The following SPTBN4 variants were observed in gnomAD, a reference collection of about 807,000 sequenced individuals.
The protein encoded by SPTBN4 is spectrin beta, non-erythrocytic 4, also known as spectrin beta chain, non-erythrocytic 4.
In SPTBN4, 96 loss-of-function variants were observed where a neutral mutation model predicts 277.8. The ratio of observed to expected loss-of-function variants is 0.35; its 90% confidence interval spans 0.29 to 0.41. The LOEUF (loss-of-function observed/expected upper bound fraction) is 0.41, where lower values mean the gene tolerates loss of function less well. SPTBN4 is among the 10% of genes least tolerant of loss of function. The pLI is 1.00. For missense variants in SPTBN4, 3,006 were observed against 3,595.7 expected (o/e 0.84, Z 4.19); for synonymous variants, 1,481 against 1,580.3 (o/e 0.94, Z 1.49).
rs545609443 is a variant in SPTBN4 at position 40,486,547 on chromosome 19, T to A, written c.170-1150T>A. Among the ~76,000 whole-genome samples, 70 of 151,996 alleles carry A rather than the reference T, an allele frequency of 4.6e-4. 2 individuals carry two copies. The South Asian group carries it at 0.014, about 30-fold the overall frequency. Reference sequence around the variant, plus strand: ...ACCCTGCCTGGCTAATTTTTTGTATTTTTTTGTAGAGACAGAGTCTTCACC... The same window carrying A: ...ACCCTGCCTGGCTAATTTTTTGTATATTTTTGTAGAGACAGAGTCTTCACC... On this transcript the variant is annotated intron_variant, in intron 2 of 35. Transcript: ENST00000598249.
In SPTBN4 at chr19:40,575,975, T is replaced by C; in HGVS notation, c.*406T>C. ...CTAGGGATGGGCACGGGGGCGCTGGTGAGGTCCCCTGGACCATCCAGGGTG... is the reference window on the plus strand; with the variant it reads ...CTAGGGATGGGCACGGGGGCGCTGGCGAGGTCCCCTGGACCATCCAGGGTG... On this transcript the variant is annotated 3_prime_UTR_variant, in exon 36 of 36. Coordinates refer to ENST00000598249, the MANE Select transcript of SPTBN4 (RefSeq NM_020971.3). 5.9e-6 allele frequency: 1 copy of C among 168,656 alleles called. No individual in the cohort carries two copies. The highest frequency in any genetic ancestry group is 1.3e-5 in the Non-Finnish European group (1 of 78,186). 10.4% of individuals were successfully genotyped at this position (168,656 alleles called of 1,614,324 possible).
intron 2 of SPTBN4, among the ~76,000 whole-genome samples, chr19:40,474,169 A>G (rs1448503467): frequency 6.7e-6 from 1 of 150,036 alleles, no homozygotes; most frequent in Non-Finnish European, 1.5e-5. Flanking sequence ...AAAAAAAAAA[A>G]AAAAAAAAAA....
Position 40,512,631 on chromosome 19 carries a change from C to A in SPTBN4, c.1842C>A (p.Val614=). 1 of 1,541,328 alleles carries A rather than the reference C, an allele frequency of 6.5e-7. No homozygotes were observed. Among genetic ancestry groups the A allele is most frequent in the Non-Finnish European group, 8.7e-7 (1 of 1,151,732 alleles). Residue 614 remains valine, a synonymous_variant, in exon 14 of 36, where the codon GTC becomes GTA. Coordinates refer to ENST00000598249, the MANE Select transcript of SPTBN4 (RefSeq NM_020971.3). ...GCTACCAGCCCTGCGACCCGCAGGT[C>A]ATCTGCAACCGCGTGAACCACGTGC... is the stretch of plus-strand genomic sequence containing the variant. ...LQGYQPCDPQ[V]ICNRVNHVHG...
Position 40,519,088 on chromosome 19 carries a change from C to G in SPTBN4, c.2904-313C>G, listed in dbSNP as rs1264221133. Reference sequence around the variant, plus strand: ...TCTTAAATCAGAGTCGGCTTCTGCTCTCAGTCTCTCCTGCCGCCTCTGGAA... The same window carrying G: ...TCTTAAATCAGAGTCGGCTTCTGCTGTCAGTCTCTCCTGCCGCCTCTGGAA... On this transcript the variant is annotated intron_variant, in intron 15 of 35. Coordinates refer to ENST00000598249, the MANE Select transcript of SPTBN4 (RefSeq NM_020971.3). The surrounding 1 kb of genome is among the most constrained non-coding windows in gnomAD (Gnocchi z 5.7). Among the ~76,000 whole-genome samples the G allele has an allele frequency of 6.6e-6, 1 of 152,200 alleles. No individual in the cohort carries two copies. Among genetic ancestry groups the G allele is most frequent in the African/African-American group, 2.4e-5 (1 of 41,440 alleles).
intron 26 of SPTBN4, among the ~76,000 whole-genome samples, chr19:40,559,862 C>T (rs562090484): frequency 6.6e-6 from 1 of 152,162 alleles, no homozygotes; most frequent in Admixed American, 6.5e-5. Flanking sequence ...TCCTGAAAGA[C>T]CCAAGGTAGG....
rs2145877551 is a variant in SPTBN4, at chr19:40,520,162, G to A, written c.3654+11G>A. The A allele has an allele frequency of 7.1e-7, 1 of 1,402,686 alleles. No individual in the cohort carries two copies. Among genetic ancestry groups the A allele is most frequent in the Admixed American group, 2.9e-5 (1 of 33,910 alleles). 86.9% of individuals were successfully genotyped at this position (1,402,686 alleles called of 1,614,324 possible). A position where few individuals can be genotyped will look rare whatever the true frequency, so the allele number is the denominator to read the frequency against. On this transcript the variant is annotated intron_variant, in intron 16 of 35. Transcript: ENST00000598249. ...GTGCTGCGTAACCAGGTGCCCACTC[G>A]GGGTGTACATTTCGGAGAGGGAGAG... is the stretch of plus-strand genomic sequence containing the variant.
Position 40,556,203 on chromosome 19 carries a change from A to G in SPTBN4, c.5204A>G (p.Gln1735Arg). 1 of 1,613,684 alleles carries G rather than the reference A, an allele frequency of 6.2e-7. No individual in the cohort carries two copies. The highest frequency in any genetic ancestry group is 8.5e-7 in the Non-Finnish European group (1 of 1,179,988). ...TACTGGCTGTACCAGCTCAGCCGCC[A>G]GGTGAGCGAGCTTGAGCACTGGATT... ...QQYWLYQLSR[Q>R]VSELEHWIAE... is the part of the protein sequence containing the mutation. The change falls in exon 25 of 36, where the codon CAG becomes CGG. Residue 1735 changes from glutamine to arginine, a missense_variant. Physicochemically the swap from Gln to Arg is conservative, Grantham distance 43. Transcript: ENST00000598249.
intron 2 of SPTBN4, among the ~76,000 whole-genome samples, chr19:40,481,315 C>T (rs1249386737): frequency 6.6e-6 from 1 of 152,124 alleles, no homozygotes; most frequent in African/African-American, 2.4e-5. Context: ...CTTGGCTGCC[C>T]AAAGTGTTTG....
At chr19:40,570,852 G>T in intron 33 of SPTBN4, 124 bp downstream of exon 33, 1 of 1,085,314 alleles carries the variant, frequency 9.2e-7, no homozygotes, top group South Asian at 1.9e-5. Flanking sequence ...GCGGTAGTAG[G>T]TGGGGCCAGA....
At position 40,554,519 on chromosome 19, in the gene SPTBN4, G is replaced by T; in HGVS notation, c.4957G>T (p.Glu1653Ter). ...LMMSEDKGKD[E>*]QSTLQLLKKH... ...CGTGGGCGCTTTGTGCCCCCAGGAC[G>T]AACAGAGCACCCTGCAGCTGCTCAA... The change falls in exon 24 of 36, where the codon GAA (glutamate) becomes TAA (stop). Residue 1653 changes from glutamate (E) to a stop codon, truncating the protein, a stop_gained. Transcript: ENST00000598249. LOFTEE classifies it high-confidence loss of function. The surrounding 1 kb of genome is among the most constrained non-coding windows in gnomAD (Gnocchi z 5.7). 1.3e-6 allele frequency: 2 copies of T among 1,481,856 alleles called. No homozygotes were observed. Among genetic ancestry groups the T allele is most frequent in the South Asian group, 1.4e-5 (1 of 72,700 alleles). 91.8% of individuals were successfully genotyped at this position (1,481,856 alleles called of 1,614,324 possible). A position where few individuals can be genotyped will look rare whatever the true frequency, so the allele number is the denominator to read the frequency against.
intron 17 of SPTBN4, 144 bp downstream of exon 17, chr19:40,523,783 A>G (rs2080557379): frequency 6.3e-6 from 5 of 795,186 alleles, no homozygotes; most frequent in Non-Finnish European, 9.5e-6. Context: ...ATTTAATTCC[A>G]TGTTGTCTTA....
chr19:40,522,348 ATTTTT>A (rs567161952), intron 16 of SPTBN4, among the ~76,000 whole-genome samples: 4 of 117,694 alleles, frequency 3.4e-5, no homozygotes, highest in African/African-American at 1.3e-4. Context: ...ATAGTAACCA[ATTTTT>A]TTTTTTTTTT....
intron 25 of SPTBN4, 24 bp from the exon 26 acceptor site, chr19:40,556,996 ACCC>A (rs34510741): frequency 1.9e-5 from 26 of 1,363,176 alleles, no homozygotes; most frequent in Non-Finnish European, 2.6e-5. Flanking sequence ...ACTTTGCTGT[ACCC>A]CCCCCCCCAC....
chr19:40,568,716 T>C (rs539567928), intron 31 of SPTBN4, among the ~76,000 whole-genome samples: 1 of 152,272 alleles, frequency 6.6e-6, no homozygotes, highest in African/African-American at 2.4e-5. Context: ...GTCTTCTCCA[T>C]TGTATGACTA....
At chr19:40,468,067 A>T (rs1338538646) in intron 1 of SPTBN4, among the ~76,000 whole-genome samples, 1 of 147,754 alleles carries the variant, frequency 6.8e-6, no homozygotes, top group East Asian at 1.9e-4. Flanking sequence ...AGAAACGGGT[A>T]CGATTATCAT....
intron 24 of SPTBN4, among the ~76,000 whole-genome samples, chr19:40,555,698 G>T (rs2080970543): frequency 6.6e-6 from 1 of 151,858 alleles, no homozygotes; most frequent in African/African-American, 2.4e-5. Flanking sequence ...TGAGGCAGGA[G>T]GATCGTTTGA....
Position 40,568,336 on chromosome 19 carries a change from C to A in SPTBN4, c.6956+54C>A, listed in dbSNP as rs986834191. 95 of 1,517,098 alleles carry A rather than the reference C, an allele frequency of 6.3e-5. 1 individual carries two copies. The East Asian group carries it at 2.3e-3, about 36-fold the overall frequency. 94.0% of individuals were successfully genotyped at this position (1,517,098 alleles called of 1,614,324 possible). ...TGAGGGGAGGGGAAAGCGGAGAGCT[C>A]CTAGAACCCCTCAGGCCCAGTGAAA... is the stretch of plus-strand genomic sequence containing the variant. On this transcript the variant is annotated intron_variant, in intron 31 of 35. Coordinates refer to ENST00000598249, the MANE Select transcript of SPTBN4 (RefSeq NM_020971.3).
In SPTBN4 at chr19:40,555,944, CAG is replaced by C. The variant is rs1344421649; in HGVS notation, c.5085-137_5085-136del. On this transcript the variant is annotated intron_variant, in intron 24 of 35. Transcript: ENST00000598249. The stretch of plus-strand genomic sequence containing the variant: ...AAAAAAAAGAAAAAAGAAAAGAAAA[CAG>C]AGCTCTACCTGGGGACACAGCCGTG... 16 of 710,078 alleles carry C rather than the reference CAG, an allele frequency of 2.3e-5. No homozygotes were observed. In the Admixed American group the frequency reaches 3.8e-4, roughly 17 times the overall value. The allele number at this position is 710,078 out of a possible 1,614,324, so 44.0% of individuals were successfully genotyped here.
At position 40,476,061 on chromosome 19, in the gene SPTBN4, C is replaced by G. The variant is rs142966847; in HGVS notation, c.169+3271C>G. On this transcript the variant is annotated intron_variant, in intron 2 of 35. Transcript: ENST00000598249. ...ACCCTGTCTCAAAACAATAAGAAAC[C>G]TGGTTAGGCGCGGTAGCTCACGCCT... Among the ~76,000 whole-genome samples, 69 of 150,844 alleles carry G rather than the reference C, an allele frequency of 4.6e-4. No individual in the cohort carries two copies. The Middle Eastern group carries it at 0.01, about 23-fold the overall frequency.
Sources: gnomAD v4.1 joint callset for allele counts (sites outside exome capture counted in the v4.1 genomes callset) on GRCh38, gnomAD v4.1.1 for gene constraint, Gnocchi (gnomAD v3.1) non-coding constraint, MANE v1.5 for transcripts, NCBI Gene and HGNC (gene_info 2026-07-23, HGNC 2026-07-21) for gene names.